Variants in NADK2 observed in about 807,000 individuals in gnomAD.
The protein encoded by NADK2 is NAD kinase 2, mitochondrial, also known as NAD kinase domain-containing protein 1, mitochondrial.
Under a neutral mutation model 62.1 loss-of-function variants are expected in NADK2, and 35 were observed. That is an observed-to-expected ratio of 0.56 (90% CI 0.43 to 0.75). NADK2 has a LOEUF of 0.75. Ranked by LOEUF, NADK2 falls within the 30% of genes least tolerant of loss-of-function variation. The pLI is 0.00. For synonymous variants in NADK2, 205 were observed against 207.9 expected (o/e 0.99, Z 0.12); for missense variants, 439 against 561.3 (o/e 0.78, Z 2.20).
intron 1 of NADK2, among the ~76,000 whole-genome samples, chr5:36,235,795 C>T (rs1185973219): frequency 1.3e-5 from 2 of 151,876 alleles, no homozygotes; most frequent in Non-Finnish European, 2.9e-5. Context: ...AGAGGAGAGC[C>T]AATTGGATGA....
At position 36,192,692 on chromosome 5, in the gene NADK2, C is replaced by G. The variant is rs1255765461; in HGVS notation, c.*2452G>C. On this transcript the variant is annotated 3_prime_UTR_variant, in exon 12 of 12. Transcript: ENST00000381937. ...AAATTATCTGAAGAGCCTACACTGA[C>G]CAGGTAAGCACTTCACCCTGATTTA... 1.3e-5 allele frequency: 2 copies of G among 152,134 alleles called. No individual in the cohort carries two copies. Among genetic ancestry groups the G allele is most frequent in the Admixed American group, 6.5e-5 (1 of 15,272 alleles). 9.4% of individuals were successfully genotyped at this position (152,134 alleles called of 1,614,324 possible).
intron 6 of NADK2, 86 bp downstream of exon 6, chr5:36,217,662 G>GTTAGTCA (rs111441491): frequency 6.7e-7 from 1 of 1,503,750 alleles, no homozygotes; most frequent in Non-Finnish European, 9.2e-7. Context: ...CTAAAAACAA[G>GTTAGTCA]TAAATTATTA....
intron 6 of NADK2, among the ~76,000 whole-genome samples, chr5:36,212,653 A>T (rs1034321189): frequency 2.0e-5 from 3 of 152,132 alleles, no homozygotes; most frequent in African/African-American, 7.2e-5. Flanking sequence ...CTGTATCCTC[A>T]ATGTCACAAC....
Position 36,201,119 on chromosome 5 carries a change from A to G in NADK2, c.999T>C (p.Asp333=). The G allele has an allele frequency of 6.2e-7, 1 of 1,612,514 alleles. No homozygotes were observed. The highest frequency in any genetic ancestry group is 1.1e-5 in the South Asian group (1 of 91,010). Reference sequence around the variant, plus strand: ...TTTGGTACTCACCAATATTTAAAACATCTTCTACAGCCTGAGTTGCAACCC... The same window carrying G: ...TTTGGTACTCACCAATATTTAAAACGTCTTCTACAGCCTGAGTTGCAACCC... ...INRVATQAVE[D]VLNIAKRQGN... Residue 333 remains aspartate, a synonymous_variant, in exon 9 of 12, where the codon GAT becomes GAC. Transcript: ENST00000381937.
chr5:36,223,768 G>A (rs1427270792), intron 4 of NADK2, among the ~76,000 whole-genome samples: 1 of 152,146 alleles, frequency 6.6e-6, no homozygotes, highest in African/African-American at 2.4e-5. Flanking sequence ...ACTGAGAACT[G>A]AAGGAGTGGC....
intron 1 of NADK2, among the ~76,000 whole-genome samples, chr5:36,228,027 T>C (rs530819872): frequency 3.3e-4 from 50 of 152,174 alleles, no homozygotes; most frequent in African/African-American, 1.2e-3. Flanking sequence ...CTAATACTTG[T>C]AGAGGCGGTT....
At chr5:36,219,740 A>C in intron 4 of NADK2, 61 bp from the exon 5 acceptor site, 1 of 1,292,974 alleles carries the variant, frequency 7.7e-7, no homozygotes, top group Non-Finnish European at 1.1e-6. Context: ...GTGAAGCAAA[A>C]AAATTTAATC....
At chr5:36,215,030 T>A (rs1362810670) in intron 6 of NADK2, among the ~76,000 whole-genome samples, 2 of 152,160 alleles carry the variant, frequency 1.3e-5, no homozygotes, top group Non-Finnish European at 2.9e-5. Flanking sequence ...TATATGCCAA[T>A]ACTATGCCAT....
At chr5:36,235,272 A>G (rs1339570024) in intron 1 of NADK2, among the ~76,000 whole-genome samples, 1 of 152,222 alleles carries the variant, frequency 6.6e-6, no homozygotes, top group Non-Finnish European at 1.5e-5. Context: ...TAAGTGATCT[A>G]TCTTAGTAAA....
intron 9 of NADK2, among the ~76,000 whole-genome samples, chr5:36,200,483 C>T (rs201226878): frequency 9.9e-5 from 15 of 151,974 alleles, no homozygotes; most frequent in South Asian, 4.2e-4. Context: ...CCCCCCCTCG[C>T]CCTTATTAGC....
chr5:36,226,465 A>C lies in NADK2; in HGVS notation c.478+10T>G. The C allele has an allele frequency of 5.0e-6, 8 of 1,604,774 alleles. No homozygotes were observed. Among genetic ancestry groups the C allele is most frequent in the Non-Finnish European group, 6.8e-6 (8 of 1,172,662 alleles). ...ATATGCCAACATCTTTACTTCTGTC[A>C]AATTATTACCTCCTGCAGCTATGAC... is the stretch of plus-strand genomic sequence containing the variant. On this transcript the variant is annotated intron_variant, in intron 3 of 11. Coordinates refer to ENST00000381937, the MANE Select transcript of NADK2 (RefSeq NM_001085411.3).
At chr5:36,226,822 C>A (rs1747501359) in intron 2 of NADK2, among the ~76,000 whole-genome samples, 2 of 152,028 alleles carry the variant, frequency 1.3e-5, no homozygotes, top group African/African-American at 2.4e-5. Context: ...GCTTTTATAA[C>A]CACTAGTGAA....
intron 3 of NADK2, among the ~76,000 whole-genome samples, chr5:36,226,141 A>G (rs1747473575): frequency 6.6e-6 from 1 of 152,212 alleles, no homozygotes. Flanking sequence ...CCAAAGAGGA[A>G]TAGAATTTAC....
At chr5:36,213,578 T>C (rs1194254771) in intron 6 of NADK2, among the ~76,000 whole-genome samples, 3 of 128,296 alleles carry the variant, frequency 2.3e-5, no homozygotes, top group Non-Finnish European at 5.2e-5. Context: ...AACTTCATAA[T>C]ACAGAGAAAG....
intron 1 of NADK2, among the ~76,000 whole-genome samples, chr5:36,229,749 C>G (rs186895357): frequency 4.6e-5 from 7 of 151,004 alleles, no homozygotes; most frequent in African/African-American, 1.5e-4. Flanking sequence ...CTTTGGCTAT[C>G]TAACAGGCAC....
At chr5:36,207,396 C>T (rs959200506) in intron 7 of NADK2, 131 bp from the exon 8 acceptor site, 7 of 602,014 alleles carry the variant, frequency 1.2e-5, no homozygotes, top group Non-Finnish European at 2.0e-5. Context: ...TAGGCACACA[C>T]ATCATGATGC....
In NADK2 at chr5:36,219,689, A is replaced by G; in HGVS notation, c.561-10T>C. On this transcript the variant is annotated splice_polypyrimidine_tract_variant and intron_variant, in intron 4 of 11. Transcript: ENST00000381937. ...TAAATGACCCTCAGACCTATATTTT[A>G]ACAGGAATTTTTTGGTGATATAAAG... 3.1e-6 allele frequency: 5 copies of G among 1,609,278 alleles called. No individual in the cohort carries two copies. The highest frequency in any genetic ancestry group is 3.4e-6 in the Non-Finnish European group (4 of 1,177,828).
At chr5:36,210,610 T>C (rs1396054752) in intron 7 of NADK2, among the ~76,000 whole-genome samples, 1 of 152,174 alleles carries the variant, frequency 6.6e-6, no homozygotes, top group Non-Finnish European at 1.5e-5. Flanking sequence ...CTTAGACCAT[T>C]CAAAAATATT....
chr5:36,201,840 C>T (rs1054788084), intron 8 of NADK2, among the ~76,000 whole-genome samples: 16 of 151,902 alleles, frequency 1.1e-4, no homozygotes, highest in African/African-American at 3.9e-4. Flanking sequence ...TGTGCAATGC[C>T]TTGCTTAACC....
Sources: allele counts gnomAD v4.1 joint callset (sites outside exome capture counted in the v4.1 genomes callset), GRCh38; gene constraint gnomAD v4.1.1; transcripts MANE v1.5; gene names NCBI Gene and HGNC (gene_info 2026-07-23, HGNC 2026-07-21).